The following DAB1 variants were observed in gnomAD, a reference collection of about 807,000 sequenced individuals.
The protein encoded by DAB1 is DAB adaptor protein 1.
Under a neutral mutation model 64.6 loss-of-function variants are expected in DAB1, and 15 were observed. That is an observed-to-expected ratio of 0.23 (90% confidence interval 0.16 to 0.36). The LOEUF (loss-of-function observed/expected upper bound fraction) is 0.36. DAB1 is among the 10% of genes least tolerant of loss of function. The pLI, the probability that DAB1 is intolerant of heterozygous loss-of-function variation, is 1.00. For missense variants in DAB1, 596 were observed against 706.7 expected (o/e 0.84, Z 1.78); for synonymous variants, 235 against 251.9 (o/e 0.93, Z 0.64).
intron 2 of DAB1, among the ~76,000 whole-genome samples, chr1:57,211,268 C>T (rs1017831612): frequency 5.9e-5 from 9 of 152,130 alleles, no homozygotes; most frequent in Admixed American, 3.9e-4. Flanking sequence ...GCTGTAGCCT[C>T]CCAAGTACTA....
At chr1:57,216,063 C>A (rs1450813458) in intron 2 of DAB1, among the ~76,000 whole-genome samples, 1 of 152,092 alleles carries the variant, frequency 6.6e-6, no homozygotes, top group Non-Finnish European at 1.5e-5. Context: ...TTGGCTTGCT[C>A]TTTGCTTTCT....
intron 6 of DAB1, among the ~76,000 whole-genome samples, chr1:57,805,240 T>G (rs1201711192): frequency 6.6e-6 from 1 of 152,202 alleles, no homozygotes; most frequent in Non-Finnish European, 1.5e-5. Context: ...GCAAGAGGCA[T>G]GGACTTTCCT....
At chr1:58,093,410 GGACGAGT>G (rs1434537037) in intron 5 of DAB1, among the ~76,000 whole-genome samples, 1 of 152,152 alleles carries the variant, frequency 6.6e-6, no homozygotes, top group Non-Finnish European at 1.5e-5. Context: ...GGTAAGCAGA[GGACGAGT>G]GAGCCTTACC....
intron 7 of DAB1, among the ~76,000 whole-genome samples, chr1:57,564,714 G>A (rs146613414): frequency 1.3e-3 from 204 of 152,250 alleles, no homozygotes; most frequent in African/African-American, 3.0e-3. Flanking sequence ...GAAATGAAGC[G>A]AGAAGAGAAG....
intron 4 of DAB1, among the ~76,000 whole-genome samples, chr1:58,260,282 G>A (rs1199032692): frequency 2.0e-5 from 3 of 152,118 alleles, no homozygotes; most frequent in Admixed American, 6.5e-5. Flanking sequence ...TCATACATCA[G>A]CTTAAGGCAC....
intron 7 of DAB1, among the ~76,000 whole-genome samples, chr1:57,523,915 ACT>A (rs1644560897): frequency 6.6e-6 from 1 of 152,002 alleles, no homozygotes; most frequent in Non-Finnish European, 1.5e-5. Flanking sequence ...ACAGAGCAAG[ACT>A]CTGTCTCAAA....
intron 7 of DAB1, among the ~76,000 whole-genome samples, chr1:57,605,065 G>A (rs187835838): frequency 1.9e-3 from 295 of 152,310 alleles, no homozygotes; most frequent in Admixed American, 3.9e-3. Context: ...TTTGGGAAGT[G>A]GGGTGCACGA....
intron 2 of DAB1, among the ~76,000 whole-genome samples, chr1:57,158,765 G>C (rs1660472836): frequency 6.6e-6 from 1 of 151,944 alleles, no homozygotes; most frequent in Non-Finnish European, 1.5e-5. Flanking sequence ...CACACTTAGG[G>C]GGCTGTTAAA....
At chr1:57,300,576 C>G (rs1161285487) in intron 1 of DAB1, among the ~76,000 whole-genome samples, 3 of 152,126 alleles carry the variant, frequency 2.0e-5, no homozygotes, top group African/African-American at 4.8e-5. Context: ...AACAGCTCAT[C>G]ATGGCTGGGT....
intron 5 of DAB1, among the ~76,000 whole-genome samples, chr1:57,958,624 G>A (rs1645445837): frequency 6.6e-6 from 1 of 152,166 alleles, no homozygotes; most frequent in African/African-American, 2.4e-5. Context: ...CATAAACAAA[G>A]TGCCACTAAC....
At chr1:57,284,404 T>C (rs1672149039) in intron 2 of DAB1, among the ~76,000 whole-genome samples, 2 of 152,298 alleles carry the variant, frequency 1.3e-5, no homozygotes, top group Admixed American at 1.3e-4. Context: ...GATAAATGTT[T>C]GTGGACAAAA....
At chr1:57,961,728 G>C (rs1408558056) in intron 5 of DAB1, among the ~76,000 whole-genome samples, 1 of 152,140 alleles carries the variant, frequency 6.6e-6, no homozygotes, top group African/African-American at 2.4e-5. Flanking sequence ...CAGCACTGTG[G>C]GAGGCTGAGG....
At chr1:57,960,965 G>A (rs1450181800) in intron 5 of DAB1, among the ~76,000 whole-genome samples, 2 of 152,230 alleles carry the variant, frequency 1.3e-5, no homozygotes, top group Non-Finnish European at 2.9e-5. Context: ...GAGCTGGACA[G>A]ATTAGAGACC....
intron 7 of DAB1, among the ~76,000 whole-genome samples, chr1:57,508,237 C>T (rs186235555): frequency 1.3e-5 from 2 of 152,284 alleles, no homozygotes; most frequent in African/African-American, 4.8e-5. Context: ...TTTTCTTTTC[C>T]ATTTCCATCT....
intron 2 of DAB1, among the ~76,000 whole-genome samples, chr1:57,198,218 C>G (rs1226331003): frequency 6.6e-6 from 1 of 152,162 alleles, no homozygotes; most frequent in Non-Finnish European, 1.5e-5. Flanking sequence ...ATCTCCCTCC[C>G]TCCCTTCCTA....
chr1:57,206,968 C>CTTTTTTTTTTTTTTTTTTTTTTTTTTTTT (rs201111039), intron 2 of DAB1, among the ~76,000 whole-genome samples: 1 of 84,476 alleles, frequency 1.2e-5, no homozygotes. Context: ...TCCTTCCTTC[C>CTTTTTTTTTTTTTTTTTTTTTTTTTTTTT]TTTTTTTTTT....
intron 7 of DAB1, among the ~76,000 whole-genome samples, chr1:57,464,585 A>G (rs2101188797): frequency 6.6e-6 from 1 of 152,282 alleles, no homozygotes; most frequent in South Asian, 2.1e-4. Context: ...GAGGCCAGCA[A>G]AGAGCTTGGC....
chr1:57,290,189 G>T (rs945916760), intron 2 of DAB1, among the ~76,000 whole-genome samples: 1 of 152,098 alleles, frequency 6.6e-6, no homozygotes, highest in Admixed American at 6.5e-5. Flanking sequence ...AGTAAGAAAA[G>T]GCTCCCCCAG....
intron 5 of DAB1, among the ~76,000 whole-genome samples, chr1:57,985,419 G>A (rs1377598578): frequency 2.6e-5 from 4 of 152,060 alleles, no homozygotes; most frequent in Non-Finnish European, 4.4e-5. Context: ...TTCATGTGTC[G>A]AAATCCTAAC....
Sources: allele counts gnomAD v4.1 joint callset (sites outside exome capture counted in the v4.1 genomes callset), GRCh38; gene constraint gnomAD v4.1.1; transcripts MANE v1.5; gene names NCBI Gene and HGNC (gene_info 2026-07-23, HGNC 2026-07-21).